RNF150: variants seen among roughly 807,000 people sequenced by gnomAD.
RNF150 encodes the protein ring finger protein 150.
Under a neutral mutation model 39.3 loss-of-function variants are expected in RNF150, and 24 were observed. That is an observed-to-expected ratio of 0.61 (90% CI 0.44 to 0.86). The LOEUF (loss-of-function observed/expected upper bound fraction) is 0.86. Among genes scored for constraint, RNF150 ranks in the 40% least tolerant of loss-of-function variants. RNF150 has a pLI of 0.00. For missense variants in RNF150, 502 were observed against 587.8 expected (o/e 0.85, Z 1.51); for synonymous variants, 255 against 227.3 (o/e 1.12, Z -1.10).
chr4:141,164,356 T>C (rs1240551912), intron 1 of RNF150, among the ~76,000 whole-genome samples: 1 of 151,998 alleles, frequency 6.6e-6, no homozygotes, highest in Admixed American at 6.6e-5. Context: ...ACAGTCAGAA[T>C]AGAACCAAAT....
intron 6 of RNF150, among the ~76,000 whole-genome samples, chr4:140,910,464 T>G (rs1730549615): frequency 6.6e-6 from 1 of 152,178 alleles, no homozygotes; most frequent in African/African-American, 2.4e-5. Flanking sequence ...ATTTAATATT[T>G]TTATGAAAAC....
At chr4:140,934,596 A>G (rs1731766210) in intron 4 of RNF150, among the ~76,000 whole-genome samples, 1 of 152,186 alleles carries the variant, frequency 6.6e-6, no homozygotes, top group Non-Finnish European at 1.5e-5. Context: ...AGAGGAAGTA[A>G]AATTCTTAAA....
intron 2 of RNF150, among the ~76,000 whole-genome samples, chr4:140,951,551 G>T (rs1196247295): frequency 7.2e-6 from 1 of 139,578 alleles, no homozygotes; most frequent in South Asian, 2.2e-4. Flanking sequence ...TGTTGTTGTT[G>T]TTTTTTTTTT....
At chr4:140,933,659 T>C (rs139363843) in intron 4 of RNF150, among the ~76,000 whole-genome samples, 48 of 152,340 alleles carry the variant, frequency 3.2e-4, no homozygotes, top group African/African-American at 8.7e-4. Flanking sequence ...TAAATCAACA[T>C]TCTGAAATAA....
intron 6 of RNF150, among the ~76,000 whole-genome samples, chr4:140,882,626 T>C (rs1343529721): frequency 6.6e-6 from 1 of 152,230 alleles, no homozygotes; most frequent in Non-Finnish European, 1.5e-5. Flanking sequence ...TATATATTAA[T>C]AATTGTTATA....
chr4:141,003,226 G>T (rs1297983923), intron 1 of RNF150, among the ~76,000 whole-genome samples: 9 of 152,066 alleles, frequency 5.9e-5, no homozygotes, highest in Admixed American at 5.9e-4. Context: ...ATAAATACAT[G>T]ATACAAAACA....
chr4:141,113,694 A>T (rs1180125396), intron 1 of RNF150, among the ~76,000 whole-genome samples: 1 of 152,156 alleles, frequency 6.6e-6, no homozygotes, highest in Non-Finnish European at 1.5e-5. Context: ...AGAATTCTCC[A>T]CCCCAAATCA....
chr4:141,117,550 C>CTGT (rs1726459289), intron 1 of RNF150, among the ~76,000 whole-genome samples: 1 of 152,088 alleles, frequency 6.6e-6, no homozygotes, highest in Admixed American at 6.6e-5. Flanking sequence ...ATGGTATGGT[C>CTGT]TGTTGTACAT....
chr4:141,002,436 G>A (rs1173191617), intron 1 of RNF150, among the ~76,000 whole-genome samples: 1 of 151,972 alleles, frequency 6.6e-6, no homozygotes, highest in Non-Finnish European at 1.5e-5. Flanking sequence ...ACTATCTTAA[G>A]CTTTGCCACA....
intron 2 of RNF150, among the ~76,000 whole-genome samples, chr4:140,957,963 T>C (rs1272997177): frequency 6.6e-6 from 1 of 151,548 alleles, no homozygotes; most frequent in Non-Finnish European, 1.5e-5. Flanking sequence ...TTAGTGGGTG[T>C]AGCGCACCAG....
chr4:141,132,626 G>T lies in RNF150; in HGVS notation c.183C>A (p.Gly61=). The T allele has an allele frequency of 6.4e-7, 1 of 1,559,390 alleles. No individual in the cohort carries two copies. Among genetic ancestry groups the T allele is most frequent in the Non-Finnish European group, 8.6e-7 (1 of 1,157,544 alleles). ...CCGTGTGCAGCTCCGCGCCGCCGCCGCCCGCCGCCCCGGCCCCGGGGTCCG... is the reference window on the plus strand; with the variant it reads ...CCGTGTGCAGCTCCGCGCCGCCGCCTCCCGCCGCCCCGGCCCCGGGGTCCG... ...PAPDPGAGAA[G]GGGAELHTEK... Residue 61 remains glycine (G), a synonymous_variant, in exon 1 of 7, where the codon GGC becomes GGA. Coordinates refer to ENST00000515673, the MANE Select transcript of RNF150 (RefSeq NM_020724.2). The surrounding 1 kb of genome is among the most constrained non-coding windows in gnomAD (Gnocchi z 4.9).
intron 1 of RNF150, among the ~76,000 whole-genome samples, chr4:141,014,071 A>G (rs28377934): frequency 0.042 from 6,429 of 152,212 alleles, 367 homozygotes; most frequent in African/African-American, 0.12. Context: ...TCCACATATA[A>G]GTAAGATCAT....
At chr4:140,878,754 A>C (rs1729267473) in intron 6 of RNF150, among the ~76,000 whole-genome samples, 1 of 152,098 alleles carries the variant, frequency 6.6e-6, no homozygotes, top group South Asian at 2.1e-4. Flanking sequence ...TTTTAGTGTA[A>C]TGTAGTCCAA....
At chr4:141,096,477 CG>C (rs1221818089) in intron 1 of RNF150, among the ~76,000 whole-genome samples, 4 of 152,036 alleles carry the variant, frequency 2.6e-5, no homozygotes, top group Admixed American at 2.0e-4. Context: ...GGATTACAGG[CG>C]TGAGTCACCG....
chr4:141,054,376 T>C (rs1469752669), intron 1 of RNF150, among the ~76,000 whole-genome samples: 2 of 152,178 alleles, frequency 1.3e-5, no homozygotes, highest in Admixed American at 6.6e-5. Context: ...TCCTGTAGAT[T>C]AATTCAAGAG....
rs1728409231 is a variant in RNF150 at position 140,859,847 on chromosome 4, T to C, written c.*8414A>G. The C allele has an allele frequency of 6.6e-6, 1 of 152,186 alleles. No individual in the cohort carries two copies. Among genetic ancestry groups the C allele is most frequent in the Admixed American group, 6.5e-5 (1 of 15,270 alleles). The allele number at this position is 152,186 out of a possible 1,614,324, so 9.4% of individuals were successfully genotyped here. A position where few individuals can be genotyped will look rare whatever the true frequency, so the allele number is the denominator to read the frequency against. ...TTAAAAAACAAAACCAAAAGAAATT[T>C]TGCAGTGAAATTTCCTGGAATTCAC... On this transcript the variant is annotated 3_prime_UTR_variant, in exon 7 of 7. Coordinates refer to ENST00000515673, the MANE Select transcript of RNF150 (RefSeq NM_020724.2).
chr4:140,995,090 T>C, intron 1 of RNF150, among the ~76,000 whole-genome samples: 1 of 152,186 alleles, frequency 6.6e-6, no homozygotes, highest in Non-Finnish European at 1.5e-5. Context: ...TCATTCTATC[T>C]AATTATATTT....
chr4:141,143,601 T>C (rs915135074), intron 1 of RNF150, among the ~76,000 whole-genome samples: 2 of 152,220 alleles, frequency 1.3e-5, no homozygotes, highest in African/African-American at 4.8e-5. Flanking sequence ...GGCAAGTCAG[T>C]GGACTTCTTA....
At chr4:140,979,192 A>G (rs1378481027) in intron 1 of RNF150, among the ~76,000 whole-genome samples, 1 of 152,118 alleles carries the variant, frequency 6.6e-6, no homozygotes, top group Non-Finnish European at 1.5e-5. Flanking sequence ...ACTGGAAAAA[A>G]TCTGCATGTA....
Sources: allele counts gnomAD v4.1 joint callset (sites outside exome capture counted in the v4.1 genomes callset), GRCh38; gene constraint gnomAD v4.1.1; non-coding constraint Gnocchi (gnomAD v3.1); transcripts MANE v1.5; gene names NCBI Gene and HGNC (gene_info 2026-07-23, HGNC 2026-07-21).